The following RP2 variants were observed in gnomAD, a reference collection of about 807,000 sequenced individuals.
RP2 encodes the protein RP2 activator of ARL3 GTPase, also known as protein XRP2.
In RP2, 3 loss-of-function variants were observed where a neutral mutation model predicts 20.3. The observed-to-expected ratio is 0.15, with a 90% CI of 0.07 to 0.38. RP2 has a LOEUF of 0.38. RP2 is among the 10% of genes least tolerant of loss of function. The pLI is 1.00. For missense variants in RP2, 233 were observed against 268.5 expected (o/e 0.87, Z 0.92); for synonymous variants, 75 against 94.8 (o/e 0.79, Z 1.22).
intron 3 of RP2, among the ~76,000 whole-genome samples, chrX:46,869,923 G>T (rs910584717): frequency 9.0e-6 from 1 of 111,351 alleles, no homozygotes; most frequent in Non-Finnish European, 1.9e-5. Flanking sequence ...ACATAACTTT[G>T]TTTAATGTGT....
chrX:46,847,704 A>ATATACACATATGTGTGTGTG (rs1569531333), intron 1 of RP2, among the ~76,000 whole-genome samples: 1 of 82,599 alleles, frequency 1.2e-5, no homozygotes, highest in African/African-American at 5.3e-5. Context: ...GTGTGTGTGT[A>ATATACACATATGTGTGTGTG]TATATACACA....
In RP2 at chrX:46,882,165, GA is replaced by G. The variant is rs1925481524; in HGVS notation, c.*2401del. On this transcript the variant is annotated 3_prime_UTR_variant, in exon 5 of 5. Coordinates refer to ENST00000218340, the MANE Select transcript of RP2 (RefSeq NM_006915.3). ...ATTTCTGAATAGCTTTTGAATTTAT[GA>G]AAAATTATTAACAATGAAAAATTGG... The G allele has an allele frequency of 8.9e-6, 1 of 112,184 alleles. No homozygotes were observed. The highest frequency in any genetic ancestry group is 3.6e-4 in the South Asian group (1 of 2,753). 9.2% of individuals were successfully genotyped at this position (112,184 alleles called of 1,213,427 possible).
intron 3 of RP2, among the ~76,000 whole-genome samples, chrX:46,865,668 G>A (rs926176896): frequency 8.9e-6 from 1 of 112,411 alleles, no homozygotes; most frequent in Non-Finnish European, 1.9e-5. Flanking sequence ...GGTGGCTCAC[G>A]CCTATAATCC....
intron 1 of RP2, among the ~76,000 whole-genome samples, chrX:46,842,315 T>C (rs1047216770): frequency 3.6e-5 from 4 of 111,877 alleles, no homozygotes. Flanking sequence ...TATTGTATAT[T>C]TCAAAATAGC....
chrX:46,869,517 G>A (rs1318568057), intron 3 of RP2, among the ~76,000 whole-genome samples: 2 of 102,561 alleles, frequency 2.0e-5, no homozygotes, highest in South Asian at 4.7e-4. Context: ...GGCTGGTCTC[G>A]GTGATCCGCC....
chrX:46,872,773 T>G lies in RP2; in HGVS notation c.884-4732T>G, dbSNP rs138095933. On this transcript the variant is annotated intron_variant, in intron 3 of 4. Transcript: ENST00000218340. ...TTGTTTTTGAGACAGGATCTCACTT[T>G]GATGCCCAGGCTGGAGCGCAGTGGC... 1.2e-3 allele frequency among the ~76,000 whole-genome samples: 136 copies of G among 111,954 alleles called. 3 individuals are homozygous for G. In the East Asian group the frequency reaches 0.023, roughly 19 times the overall value.
chrX:46,844,864 C>T (rs1057003549), intron 1 of RP2, among the ~76,000 whole-genome samples: 10 of 111,789 alleles, frequency 8.9e-5, no homozygotes, highest in East Asian at 2.8e-4. Flanking sequence ...TTTTAATGAT[C>T]GCCATTCTAA....
intron 1 of RP2, among the ~76,000 whole-genome samples, chrX:46,847,692 A>G (rs782084423): frequency 5.2e-5 from 5 of 96,009 alleles, no homozygotes; most frequent in Middle Eastern, 5.3e-3. Flanking sequence ...CACTATATAT[A>G]TGTGTGTGTG....
intron 3 of RP2, among the ~76,000 whole-genome samples, chrX:46,863,001 T>C (rs1925105021): frequency 8.9e-6 from 1 of 112,233 alleles, no homozygotes; most frequent in African/African-American, 3.2e-5. Context: ...GACAACTGGC[T>C]AGGTCTCTTC....
intron 3 of RP2, among the ~76,000 whole-genome samples, chrX:46,877,245 G>A (rs1399233129): frequency 1.8e-5 from 2 of 112,307 alleles, no homozygotes; most frequent in African/African-American, 3.2e-5. Context: ...AGAAAAGCCA[G>A]ACTATTTACA....
intron 1 of RP2, among the ~76,000 whole-genome samples, chrX:46,838,903 C>CT (rs782427716): frequency 0.02 from 2,149 of 109,774 alleles, 54 homozygotes; most frequent in African/African-American, 0.068. Flanking sequence ...TACAGAGAAC[C>CT]TTTTTTTTTG....
intron 1 of RP2, among the ~76,000 whole-genome samples, chrX:46,848,096 A>G (rs1556317319): frequency 9.3e-6 from 1 of 107,437 alleles, no homozygotes; most frequent in Admixed American, 1.0e-4. Context: ...AGCACTTAGT[A>G]TGGTGCCTGG....
rs782031370 is a variant in RP2, at chrX:46,869,301, T to A, written c.884-8204T>A. Among the ~76,000 whole-genome samples, 169 of 54,367 alleles carry A rather than the reference T, an allele frequency of 3.1e-3. No homozygotes were observed. In the African/African-American group the frequency reaches 0.048, roughly 16 times the overall value. The allele number at this position is 54,367 out of a possible 115,157, so 47.2% of individuals were successfully genotyped here. A position where few individuals can be genotyped will look rare whatever the true frequency, so the allele number is the denominator to read the frequency against. ...GGAATTATGTCAGTTGTAGTTTTTC[T>A]TTTTTTTTTTTTTTAAGACGGAGTT... On this transcript the variant is annotated intron_variant, in intron 3 of 4. Transcript: ENST00000218340.
intron 3 of RP2, among the ~76,000 whole-genome samples, chrX:46,873,126 C>T (rs1188857646): frequency 9.0e-6 from 1 of 111,411 alleles, no homozygotes; most frequent in Non-Finnish European, 1.9e-5. Context: ...ATGTCATGGT[C>T]CTTTTAAAGT....
chrX:46,838,481 T>C (rs1196169950), intron 1 of RP2, among the ~76,000 whole-genome samples: 2 of 113,021 alleles, frequency 1.8e-5, no homozygotes, highest in Admixed American at 1.9e-4. Flanking sequence ...TTAAAAGATA[T>C]TGTTTTCCTC....
At chrX:46,875,972 T>C (rs1019966047) in intron 3 of RP2, among the ~76,000 whole-genome samples, 1 of 111,923 alleles carries the variant, frequency 8.9e-6, no homozygotes, top group South Asian at 3.7e-4. Context: ...TTGATATTTC[T>C]AAATAAAAAT....
At chrX:46,877,634 C>A in intron 4 of RP2, 44 bp downstream of exon 4, 2 of 925,730 alleles carry the variant, frequency 2.2e-6, no homozygotes, top group Non-Finnish European at 3.1e-6. Flanking sequence ...CTTTTCATTT[C>A]ATCTCCTTTT....
At chrX:46,872,214 G>T (rs1925304112) in intron 3 of RP2, among the ~76,000 whole-genome samples, 1 of 112,238 alleles carries the variant, frequency 8.9e-6, no homozygotes, top group African/African-American at 3.2e-5. Context: ...TTATTGTAAA[G>T]ATTTATCTTT....
intron 3 of RP2, among the ~76,000 whole-genome samples, chrX:46,867,048 A>G (rs1925184687): frequency 9.0e-6 from 1 of 111,711 alleles, no homozygotes; most frequent in Non-Finnish European, 1.9e-5. Context: ...ATTAAAATGC[A>G]TTTGTGATTC....
Sources: gnomAD v4.1 joint callset for allele counts (sites outside exome capture counted in the v4.1 genomes callset) on GRCh38, gnomAD v4.1.1 for gene constraint, MANE v1.5 for transcripts, NCBI Gene and HGNC (gene_info 2026-07-23, HGNC 2026-07-21) for gene names.